The following RIMS1 variants were observed in gnomAD, a reference collection of about 807,000 sequenced individuals.
RIMS1 encodes the protein regulating synaptic membrane exocytosis 1.
In RIMS1, 83 loss-of-function variants were observed where a neutral mutation model predicts 214.1. That is an observed-to-expected ratio of 0.39 (90% CI 0.32 to 0.47). The LOEUF is 0.47. Ranked by LOEUF, RIMS1 falls within the 20% of genes least tolerant of loss-of-function variation. The probability of loss-of-function intolerance (pLI) is 0.99; values close to 1 mark genes in which losing one functional copy is unlikely to be tolerated. For synonymous variants in RIMS1, 793 were observed against 786.8 expected, an observed-to-expected ratio of 1.01 and a Z score of -0.13; for missense variants, 2,050 against 2,161.8, an observed-to-expected ratio of 0.95 and a Z score of 1.03.
chr6:72,002,058 T>C lies in RIMS1; in HGVS notation c.245+32995T>C, dbSNP rs1362230387. 7.2e-5 allele frequency among the ~76,000 whole-genome samples: 11 copies of C among 152,300 alleles called. No homozygotes were observed. The East Asian group carries it at 2.1e-3, about 29-fold the overall frequency. ...GGAGAAGTTTGTTAAAGTTTGCCACTGTGTTGGTAAGAAAGCCAAAGATGA... is the reference window on the plus strand; with the variant it reads ...GGAGAAGTTTGTTAAAGTTTGCCACCGTGTTGGTAAGAAAGCCAAAGATGA... On this transcript the variant is annotated intron_variant, in intron 2 of 33. Transcript: ENST00000521978.
At chr6:72,007,988 G>C (rs1808508964) in intron 2 of RIMS1, among the ~76,000 whole-genome samples, 3 of 152,086 alleles carry the variant, frequency 2.0e-5, no homozygotes, top group Admixed American at 1.3e-4. Flanking sequence ...CAAAGATACT[G>C]TTCGAGAAGA....
intron 23 of RIMS1, among the ~76,000 whole-genome samples, chr6:72,282,485 T>G (rs1212720257): frequency 6.6e-6 from 1 of 152,088 alleles, no homozygotes; most frequent in Non-Finnish European, 1.5e-5. Flanking sequence ...GTTAGTGATA[T>G]CCCAGCACCT....
intron 6 of RIMS1, among the ~76,000 whole-genome samples, chr6:72,199,739 C>G (rs1404749601): frequency 6.6e-6 from 1 of 152,000 alleles, no homozygotes; most frequent in Non-Finnish European, 1.5e-5. Flanking sequence ...CTATTGGCTT[C>G]TGAAACCAAA....
intron 1 of RIMS1, among the ~76,000 whole-genome samples, chr6:71,959,297 TC>T (rs1458762676): frequency 6.6e-6 from 1 of 152,124 alleles, no homozygotes; most frequent in African/African-American, 2.4e-5. Flanking sequence ...TTAATGCTTT[TC>T]CAAGTTCCAT....
At chr6:72,222,713 T>C (rs2154051038) in intron 6 of RIMS1, among the ~76,000 whole-genome samples, 1 of 152,348 alleles carries the variant, frequency 6.6e-6, no homozygotes, top group African/African-American at 2.4e-5. Context: ...AATTATAATT[T>C]ACCAACCTTT....
intron 6 of RIMS1, among the ~76,000 whole-genome samples, chr6:72,205,802 G>A (rs17726394): frequency 0.18 from 27,001 of 152,014 alleles, 3,010 homozygotes; most frequent in Non-Finnish European, 0.25. Context: ...AACACTGGAA[G>A]TCAGCTTAGT....
chr6:72,203,520 G>A (rs965355631), intron 6 of RIMS1, among the ~76,000 whole-genome samples: 6 of 152,142 alleles, frequency 3.9e-5, no homozygotes, highest in Non-Finnish European at 8.8e-5. Context: ...AGAGCCCAGA[G>A]GTTACAGGTT....
At chr6:72,369,176 T>C (rs2098137786) in intron 29 of RIMS1, among the ~76,000 whole-genome samples, 1 of 151,566 alleles carries the variant, frequency 6.6e-6, no homozygotes, top group Admixed American at 6.6e-5. Flanking sequence ...TAAGCTGTTA[T>C]GGTTGTACCA....
At chr6:72,115,922 T>C (rs2036985081) in intron 4 of RIMS1, among the ~76,000 whole-genome samples, 1 of 152,022 alleles carries the variant, frequency 6.6e-6, no homozygotes, top group Non-Finnish European at 1.5e-5. Context: ...TAATTGTACA[T>C]GTTTAAACAT....
At chr6:71,896,386 A>G (rs1340907152) in intron 1 of RIMS1, among the ~76,000 whole-genome samples, 1 of 152,140 alleles carries the variant, frequency 6.6e-6, no homozygotes, top group East Asian at 1.9e-4. Context: ...ATCATGCCAG[A>G]CACAAGCATT....
chr6:72,150,938 T>G (rs1255917679), intron 4 of RIMS1, among the ~76,000 whole-genome samples: 1 of 152,228 alleles, frequency 6.6e-6, no homozygotes, highest in Non-Finnish European at 1.5e-5. Context: ...ATTGTTATAT[T>G]TGGTTTAGAT....
chr6:72,113,596 A>G (rs1441059425), intron 4 of RIMS1, among the ~76,000 whole-genome samples: 2 of 152,148 alleles, frequency 1.3e-5, no homozygotes, highest in Non-Finnish European at 2.9e-5. Flanking sequence ...TTTGAATTCT[A>G]GAATAAGCAG....
intron 6 of RIMS1, among the ~76,000 whole-genome samples, chr6:72,223,181 T>G (rs1351564342): frequency 6.6e-6 from 1 of 152,232 alleles, no homozygotes; most frequent in Non-Finnish European, 1.5e-5. Flanking sequence ...GCTCAGATTT[T>G]GTTCTATTGC....
chr6:72,230,853 C>A (rs1175531630), intron 6 of RIMS1, among the ~76,000 whole-genome samples: 1 of 151,472 alleles, frequency 6.6e-6, no homozygotes, highest in African/African-American at 2.4e-5. Flanking sequence ...CTTCATTGAA[C>A]TTGGCTAGTT....
intron 29 of RIMS1, among the ~76,000 whole-genome samples, chr6:72,354,003 TGAGGTCAG>T (rs2097548429): frequency 6.6e-6 from 1 of 152,098 alleles, no homozygotes; most frequent in South Asian, 2.1e-4. Context: ...GTGAATCACC[TGAGGTCAG>T]GAGTTAGAGA....
chr6:72,084,925 AT>A (rs1253095825), intron 2 of RIMS1, among the ~76,000 whole-genome samples: 2 of 152,222 alleles, frequency 1.3e-5, no homozygotes, highest in Admixed American at 6.5e-5. Flanking sequence ...TTAATATATA[AT>A]TTTTTAAAAG....
At chr6:72,188,117 G>T (rs1352870826) in intron 6 of RIMS1, among the ~76,000 whole-genome samples, 1 of 152,306 alleles carries the variant, frequency 6.6e-6, no homozygotes, top group East Asian at 1.9e-4. Flanking sequence ...GATTGTTCCT[G>T]TGCAGATTGA....
chr6:72,327,241 C>T (rs941389063), intron 28 of RIMS1, among the ~76,000 whole-genome samples: 2 of 151,720 alleles, frequency 1.3e-5, no homozygotes, highest in African/African-American at 4.8e-5. Flanking sequence ...CCATTTAATG[C>T]TTAATTATTT....
At chr6:71,965,939 C>T (rs879852365) in intron 1 of RIMS1, among the ~76,000 whole-genome samples, 4 of 152,084 alleles carry the variant, frequency 2.6e-5, no homozygotes, top group Admixed American at 6.6e-5. Context: ...TGTTGTGTCT[C>T]TTAAAGTATT....
Sources: allele counts gnomAD v4.1 joint callset (sites outside exome capture counted in the v4.1 genomes callset), GRCh38; gene constraint gnomAD v4.1.1; transcripts MANE v1.5; gene names NCBI Gene and HGNC (gene_info 2026-07-23, HGNC 2026-07-21).